Variants in ABCF1 observed in about 807,000 individuals in gnomAD.
The protein encoded by ABCF1 is ATP-binding cassette sub-family F member 1.
Under a neutral mutation model 126.3 loss-of-function variants are expected in ABCF1, and 73 were observed. That is an observed-to-expected ratio of 0.58 (90% CI 0.48 to 0.70). The LOEUF (loss-of-function observed/expected upper bound fraction) is 0.70, where lower values mean the gene tolerates loss of function less well. ABCF1 is among the 30% of genes least tolerant of loss of function. ABCF1 has a pLI of 0.00. For missense variants in ABCF1, 786 were observed against 1,057.5 expected (o/e 0.74, Z 3.56); for synonymous variants, 345 against 396.4 (o/e 0.87, Z 1.54).
chr6:30,580,667 GTTTGTT>G (rs996352360), intron 8 of ABCF1, 148 bp downstream of exon 8: 39 of 527,212 alleles, frequency 7.4e-5, no homozygotes, highest in South Asian at 5.5e-4. Context: ...GTGGTGGTTC[GTTTGTT>G]TTTGTTTTTG....
chr6:30,577,538 T>C, intron 2 of ABCF1, 83 bp downstream of exon 2: 416 of 1,253,064 alleles, frequency 3.3e-4, no homozygotes, highest in Non-Finnish European at 4.5e-4. Context: ...AGGTGGGAGG[T>C]CCAAGGGAGG....
chr6:30,585,709 G>A, intron 16 of ABCF1, 27 bp downstream of exon 16: 1 of 1,611,576 alleles, frequency 6.2e-7, no homozygotes, highest in Admixed American at 1.7e-5. Context: ...GTGGATGCAG[G>A]GAAGAGATAG....
At chr6:30,581,001 A>G (rs1801788721) in intron 8 of ABCF1, among the ~76,000 whole-genome samples, 1 of 151,950 alleles carries the variant, frequency 6.6e-6, no homozygotes, top group African/African-American at 2.4e-5. Context: ...AAAGGGCCAT[A>G]TAGTAAATGT....
In ABCF1 at chr6:30,574,820, A is replaced by G. The variant is rs1203362354; in HGVS notation, c.74-2589A>G. 1.3e-5 allele frequency among the ~76,000 whole-genome samples: 2 copies of G among 152,062 alleles called. No individual in the cohort carries two copies. The highest frequency in any genetic ancestry group is 2.9e-5 in the Non-Finnish European group (2 of 68,012). On this transcript the variant is annotated intron_variant, in intron 1 of 24. Coordinates refer to ENST00000326195, the MANE Select transcript of ABCF1 (RefSeq NM_001025091.2). This position sits in a 1 kb window ranked among gnomAD's most constrained non-coding sequence, Gnocchi z 4.3. ...AAAGACAGACATAAGCGTGCCTGGGACTTCATAAAGGAACAGAAAGAAGCC... is the reference window on the plus strand; with the variant it reads ...AAAGACAGACATAAGCGTGCCTGGGGCTTCATAAAGGAACAGAAAGAAGCC...
intron 9 of ABCF1, 57 bp downstream of exon 9, chr6:30,582,564 G>A (rs1211998374): frequency 6.4e-6 from 10 of 1,571,988 alleles, no homozygotes; most frequent in Non-Finnish European, 8.7e-6. Flanking sequence ...CTTCAACTAG[G>A]GGACATGCGA....
At chr6:30,589,757 A>G (rs1802340211) in intron 21 of ABCF1, 37 bp downstream of exon 21, 1 of 1,614,132 alleles carries the variant, frequency 6.2e-7, no homozygotes, top group Non-Finnish European at 8.5e-7. Flanking sequence ...TGATAATCTG[A>G]TGGAGGAAGT....
rs554682986 is a variant in ABCF1 at position 30,575,363 on chromosome 6, C to T, written c.74-2046C>T. 8.8e-5 allele frequency among the ~76,000 whole-genome samples: 8 copies of T among 90,834 alleles called. 1 individual carries two copies. The highest frequency in any genetic ancestry group is 1.6e-4 in the African/African-American group (3 of 18,688). The allele number at this position is 90,834 out of a possible 152,430, so 59.6% of individuals were successfully genotyped here. ...GATTACAGGCCTGAGCCGCCGCACC[C>T]GACCAATTTTTTTTTTTTTAATATT... is the stretch of plus-strand genomic sequence containing the variant. On this transcript the variant is annotated intron_variant, in intron 1 of 24. Coordinates refer to ENST00000326195, the MANE Select transcript of ABCF1 (RefSeq NM_001025091.2).
chr6:30,585,344 G>A lies in ABCF1; in HGVS notation c.1475+1G>A, dbSNP rs1350489618. On this transcript the variant is annotated splice_donor_variant, in intron 15 of 24. Transcript: ENST00000326195. LOFTEE classifies it high-confidence loss of function. ...TCAACGCTGTCATCTGGCTTAATAAGTGCGTTACGGCCTTTGCATCATTGG... is the reference window on the plus strand; with the variant it reads ...TCAACGCTGTCATCTGGCTTAATAAATGCGTTACGGCCTTTGCATCATTGG... 1.2e-6 allele frequency: 2 copies of A among 1,612,590 alleles called. No individual in the cohort carries two copies. The highest frequency in any genetic ancestry group is 1.7e-6 in the Non-Finnish European group (2 of 1,179,400).
In ABCF1 at chr6:30,589,968, C is replaced by T; in HGVS notation, c.2227C>T (p.Leu743Phe). The T allele has an allele frequency of 5.6e-6, 9 of 1,613,124 alleles. No individual in the cohort carries two copies. The highest frequency in any genetic ancestry group is 1.3e-5 in the African/African-American group (1 of 75,050). ...SHAHTIQICKLSGGQKARVVF... is the reference protein window; with the variant it reads ...SHAHTIQICKFSGGQKARVVF... ...CGCCCACACCATCCAGATCTGCAAA[C>T]TCTCTGGTACCACTTCAGGGGCCAG... Residue 743 changes from leucine (L) to phenylalanine (F), a missense_variant, in exon 22 of 25, where the codon CTC (leucine) becomes TTC (phenylalanine). Around this residue, in one of 4 missense-constraint regions of ABCF1, gnomAD observed 288 missense variants for 423.5 expected, o/e 0.68. Coordinates refer to ENST00000326195, the MANE Select transcript of ABCF1 (RefSeq NM_001025091.2).
chr6:30,585,383 C>G, intron 15 of ABCF1, 40 bp downstream of exon 15: 1 of 1,599,798 alleles, frequency 6.3e-7, no homozygotes, highest in Non-Finnish European at 8.6e-7. Context: ...CCATTCTGCA[C>G]TTTCTTCCCC....
Position 30,584,000 on chromosome 6 carries a change from G to A in ABCF1, c.1102+110G>A. The A allele has an allele frequency of 1.4e-6, 2 of 1,446,568 alleles. No individual in the cohort carries two copies. Among genetic ancestry groups the A allele is most frequent in the South Asian group, 1.2e-5 (1 of 83,776 alleles). The allele number at this position is 1,446,568 out of a possible 1,614,324, so 89.6% of individuals were successfully genotyped here. ...GCTATGGAGTTGGAAGGGATGTGGA[G>A]GGAGACTGGAGACCGGGAAAGGGAT... On this transcript the variant is annotated intron_variant, in intron 12 of 24. Transcript: ENST00000326195. This position sits in a 1 kb window ranked among gnomAD's most constrained non-coding sequence, Gnocchi z 4.1.
chr6:30,589,861 C>T lies in ABCF1; in HGVS notation c.2120C>T (p.Pro707Leu). ...YAEQLRMEET[P>L]TEYLQRGFNL... The stretch of plus-strand genomic sequence containing the variant: ...GAGCAGCTGCGCATGGAGGAGACGC[C>T]CACTGAGTACCTGCAGCGGGGCTTC... The change falls in exon 22 of 25, where the codon CCC becomes CTC. Residue 707 changes from proline (P) to leucine (L), a missense_variant. By Grantham distance (98) the Pro-to-Leu change is moderately conservative. Around this residue, in one of 4 missense-constraint regions of ABCF1, gnomAD observed 288 missense variants for 423.5 expected, o/e 0.68. Transcript: ENST00000326195. 1 of 1,614,170 alleles carries T rather than the reference C, an allele frequency of 6.2e-7. No individual in the cohort carries two copies. Among genetic ancestry groups the T allele is most frequent in the Non-Finnish European group, 8.5e-7 (1 of 1,180,044 alleles).
At chr6:30,582,750 A>G (rs1801891131) in intron 9 of ABCF1, among the ~76,000 whole-genome samples, 1 of 152,012 alleles carries the variant, frequency 6.6e-6, no homozygotes, top group African/African-American at 2.4e-5. Context: ...CTGGAGTGCA[A>G]TGACGTGATC....
intron 21 of ABCF1, 24 bp downstream of exon 21, chr6:30,589,744 G>T: frequency 6.2e-7 from 1 of 1,614,206 alleles, no homozygotes; most frequent in Non-Finnish European, 8.5e-7. Context: ...GGGATTTAGG[G>T]AATGATAATC....
At chr6:30,582,618 C>G in intron 9 of ABCF1, 111 bp downstream of exon 9, 1 of 1,083,316 alleles carries the variant, frequency 9.2e-7, no homozygotes, top group Admixed American at 2.2e-5. Flanking sequence ...CCAAGTAAAA[C>G]AATCGGAGTA....
Position 30,584,885 on chromosome 6 carries a change from C to G in ABCF1, c.1391+319C>G, listed in dbSNP as rs1207288281. ...GCAATATAGTGAGACTCTATCTTCA[C>G]AAAAGGGGGAAGAAAACATATCCTA... On this transcript the variant is annotated intron_variant, in intron 14 of 24. Coordinates refer to ENST00000326195, the MANE Select transcript of ABCF1 (RefSeq NM_001025091.2). This position sits in a 1 kb window ranked among gnomAD's most constrained non-coding sequence, Gnocchi z 4.6. 5.3e-5 allele frequency among the ~76,000 whole-genome samples: 8 copies of G among 152,032 alleles called. No individual in the cohort carries two copies. Among genetic ancestry groups the G allele is most frequent in the African/African-American group, 1.9e-4 (8 of 41,388 alleles).
chr6:30,577,310 TAATAA>T lies in ABCF1; in HGVS notation c.74-94_74-90del, dbSNP rs1167185884. 11 of 1,128,192 alleles carry T rather than the reference TAATAA, an allele frequency of 9.8e-6. No individual in the cohort carries two copies. The East Asian group carries it at 1.5e-4, about 15-fold the overall frequency. 69.9% of individuals were successfully genotyped at this position (1,128,192 alleles called of 1,614,324 possible). ...AGGAGTGATAGTTAAGCTAGAAAAA[TAATAA>T]AATAGGATAGAGGCTACAGAGATCT... On this transcript the variant is annotated intron_variant, in intron 1 of 24. Transcript: ENST00000326195.
Position 30,578,570 on chromosome 6 carries a change from T to A in ABCF1, c.482T>A (p.Ile161Asn). The A allele has an allele frequency of 6.2e-7, 1 of 1,613,568 alleles. No homozygotes were observed. The highest frequency in any genetic ancestry group is 8.5e-7 in the Non-Finnish European group (1 of 1,179,744). The change falls in exon 6 of 25, where the codon ATC (isoleucine) becomes AAC (asparagine). Residue 161 changes from isoleucine (I) to asparagine (N), a missense_variant. By Grantham distance (149) the Ile-to-Asn change is moderately radical. Transcript: ENST00000326195. ...CCTGCCAAGCCGGAGAAGAATCGGA[T>A]CAATAAGGTGACAGTGGTGGCTCGA... is the stretch of plus-strand genomic sequence containing the variant. Reference protein sequence around the residue: ...PKPAKPEKNRINKAVSEEQQP... With the variant: ...PKPAKPEKNRNNKAVSEEQQP...
chr6:30,581,796 A>G (rs1801829124), intron 8 of ABCF1, among the ~76,000 whole-genome samples: 1 of 152,134 alleles, frequency 6.6e-6, no homozygotes, highest in African/African-American at 2.4e-5. Context: ...CTCCACCTTC[A>G]GTTACATTGT....
Sources: allele counts gnomAD v4.1 joint callset (sites outside exome capture counted in the v4.1 genomes callset), GRCh38; gene constraint gnomAD v4.1.1; regional missense constraint gnomAD v4.1.1; non-coding constraint Gnocchi (gnomAD v3.1); transcripts MANE v1.5; gene names NCBI Gene and HGNC (gene_info 2026-07-23, HGNC 2026-07-21).